The following DLC1 variants were observed in gnomAD, a reference collection of about 807,000 sequenced individuals.
DLC1 encodes the protein rho GTPase-activating protein 7.
DLC1 carries 54 observed loss-of-function variants against 140.3 expected under a neutral mutation model. That is an observed-to-expected ratio of 0.38 (90% CI 0.31 to 0.48). The LOEUF is 0.48. DLC1 is among the 20% of genes least tolerant of loss of function. The probability of loss-of-function intolerance (pLI) is 0.96; values close to 1 mark genes in which losing one functional copy is unlikely to be tolerated. For synonymous variants in DLC1, 986 were observed against 728.1 expected (o/e 1.35, Z -5.70); for missense variants, 2,536 against 1,907.0 (o/e 1.33, Z -6.14).
chr8:13,358,555 G>T (rs898199838), intron 4 of DLC1, among the ~76,000 whole-genome samples: 1 of 151,376 alleles, frequency 6.6e-6, no homozygotes, highest in African/African-American at 2.4e-5. Context: ...TGTAAGAAAA[G>T]TTTTTTTTTC....
At chr8:13,127,288 C>T (rs545221442) in intron 5 of DLC1, among the ~76,000 whole-genome samples, 2 of 152,162 alleles carry the variant, frequency 1.3e-5, no homozygotes, top group African/African-American at 4.8e-5. Flanking sequence ...GACATGTTGA[C>T]TGGAAGGGGT....
At chr8:13,296,879 A>G (rs551708953) in intron 5 of DLC1, among the ~76,000 whole-genome samples, 10 of 151,918 alleles carry the variant, frequency 6.6e-5, no homozygotes, top group African/African-American at 2.2e-4. Flanking sequence ...TTGAATCAGA[A>G]CATATTAAAA....
At chr8:13,588,569 C>A (rs1805410380) in intron 1 of DLC1, among the ~76,000 whole-genome samples, 2 of 152,050 alleles carry the variant, frequency 1.3e-5, no homozygotes, top group South Asian at 2.1e-4. Context: ...CCCAATTTTA[C>A]TGGATAATAC....
At chr8:13,583,429 G>T (rs186572477) in intron 1 of DLC1, among the ~76,000 whole-genome samples, 1 of 152,262 alleles carries the variant, frequency 6.6e-6, no homozygotes, top group Admixed American at 6.5e-5. Flanking sequence ...CAAGATTGCA[G>T]CAAGTCAATC....
rs148971302 is a variant in DLC1 at position 13,422,220 on chromosome 8, C to A, written c.1024-20601G>T. Among the ~76,000 whole-genome samples the A allele has an allele frequency of 1.8e-3, 269 of 152,116 alleles. 1 individual carries two copies. Among genetic ancestry groups the A allele is most frequent in the African/African-American group, 6.3e-3 (261 of 41,508 alleles). Reference sequence around the variant, plus strand: ...TTTAATGAGGTTTAAACTAATACCTCAAAGTAATCTTTCTGTGTTTTCAAA... The same window carrying A: ...TTTAATGAGGTTTAAACTAATACCTAAAAGTAATCTTTCTGTGTTTTCAAA... On this transcript the variant is annotated intron_variant, in intron 2 of 17. Transcript: ENST00000276297.
At chr8:13,276,240 C>G in intron 5 of DLC1, 1 of 1,534,936 alleles carries the variant, frequency 6.5e-7, no homozygotes, top group South Asian at 1.2e-5. Flanking sequence ...CCCCCGGTCT[C>G]CAATCCCCCT....
At chr8:13,477,091 C>T (rs181473966) in intron 2 of DLC1, among the ~76,000 whole-genome samples, 1 of 152,134 alleles carries the variant, frequency 6.6e-6, no homozygotes, top group Non-Finnish European at 1.5e-5. Flanking sequence ...AGACAGCTTC[C>T]TATTTCTCAC....
Position 13,161,576 on chromosome 8 carries a change from A to G in DLC1, c.1349-45919T>C, listed in dbSNP as rs148212132. ...GGTCTTGAATTCTTGGCCTCAAACA[A>G]CCCTCCTGCTTTAGCCTCCCAAAGT... On this transcript the variant is annotated intron_variant, in intron 5 of 17. Coordinates refer to ENST00000276297, the MANE Select transcript of DLC1 (RefSeq NM_182643.3). Among the ~76,000 whole-genome samples, 4 of 151,036 alleles carry G rather than the reference A, an allele frequency of 2.6e-5. No homozygotes were observed. In the East Asian group the frequency reaches 7.8e-4, roughly 30 times the overall value.
chr8:13,219,432 T>TTCATATAATTATACTTA (rs367684294), intron 5 of DLC1, among the ~76,000 whole-genome samples: 1 of 145,312 alleles, frequency 6.9e-6, no homozygotes, highest in Non-Finnish European at 1.5e-5. Flanking sequence ...ACTTATATAA[T>TTCATATAATTATACTTA]TATAATTTAT....
intron 8 of DLC1, 52 bp from the exon 9 acceptor site, chr8:13,100,822 G>A (rs573013725): frequency 3.3e-6 from 5 of 1,513,408 alleles, no homozygotes; most frequent in Middle Eastern, 1.8e-4. Flanking sequence ...AGCCAGCAGG[G>A]AGCAGGGCAT....
intron 2 of DLC1, among the ~76,000 whole-genome samples, chr8:13,409,455 A>G (rs541575662): frequency 1.3e-5 from 2 of 152,340 alleles, no homozygotes; most frequent in Non-Finnish European, 2.9e-5. Context: ...ATGTCTAGTT[A>G]TATTTGAATT....
chr8:13,397,799 C>T (rs1165553865), intron 3 of DLC1, among the ~76,000 whole-genome samples: 1 of 151,696 alleles, frequency 6.6e-6, no homozygotes, highest in South Asian at 2.1e-4. Context: ...TGCCAGTGCA[C>T]TCCAGCCTGA....
intron 5 of DLC1, among the ~76,000 whole-genome samples, chr8:13,208,894 A>C (rs1168252822): frequency 6.6e-6 from 1 of 152,142 alleles, no homozygotes; most frequent in African/African-American, 2.4e-5. Context: ...GAATGGCCTA[A>C]CATCTCTTAT....
At chr8:13,595,325 A>T (rs925618039) in intron 1 of DLC1, among the ~76,000 whole-genome samples, 1 of 152,054 alleles carries the variant, frequency 6.6e-6, no homozygotes. Context: ...GTTCATTTTC[A>T]TGAAAATGTG....
intron 5 of DLC1, among the ~76,000 whole-genome samples, chr8:13,145,969 T>C (rs1563683181): frequency 6.6e-6 from 1 of 152,086 alleles, no homozygotes; most frequent in African/African-American, 2.4e-5. Context: ...ATAATGTATA[T>C]ATCATAGTCT....
intron 2 of DLC1, among the ~76,000 whole-genome samples, chr8:13,473,396 C>G (rs1800299179): frequency 6.6e-6 from 1 of 152,184 alleles, no homozygotes; most frequent in Non-Finnish European, 1.5e-5. Flanking sequence ...TTTCCCTGCA[C>G]AGGCTCTCTT....
chr8:13,324,044 C>G (rs1833234090), intron 4 of DLC1, among the ~76,000 whole-genome samples: 1 of 152,174 alleles, frequency 6.6e-6, no homozygotes, highest in African/African-American at 2.4e-5. Flanking sequence ...GGGGACAGAT[C>G]TGTTACTTAA....
chr8:13,368,882 G>A (rs920818365), intron 4 of DLC1, among the ~76,000 whole-genome samples: 8 of 152,142 alleles, frequency 5.3e-5, no homozygotes, highest in African/African-American at 1.4e-4. Context: ...GGAGGGCAGC[G>A]GTGTGATCTT....
rs138603239 is a variant in DLC1, at chr8:13,373,763, C to G, written c.1314+19790G>C. Among the ~76,000 whole-genome samples the G allele has an allele frequency of 5.9e-5, 9 of 152,194 alleles. No individual in the cohort carries two copies. In the East Asian group the frequency reaches 1.5e-3, roughly 26 times the overall value. On this transcript the variant is annotated intron_variant, in intron 4 of 17. Coordinates refer to ENST00000276297, the MANE Select transcript of DLC1 (RefSeq NM_182643.3). Reference sequence around the variant, plus strand: ...ATTTACTTCCATAACCTCACTGAATCTTCATGAACGTCTTTAAAAGAGGCT... The same window carrying G: ...ATTTACTTCCATAACCTCACTGAATGTTCATGAACGTCTTTAAAAGAGGCT...
Sources: gnomAD v4.1 joint callset for allele counts (sites outside exome capture counted in the v4.1 genomes callset) on GRCh38, gnomAD v4.1.1 for gene constraint, MANE v1.5 for transcripts, NCBI Gene and HGNC (gene_info 2026-07-23, HGNC 2026-07-21) for gene names.